The following NR6A1 variants were observed in gnomAD, a reference collection of about 807,000 sequenced individuals.
The protein encoded by NR6A1 is retinoic acid receptor-related testis-associated receptor.
NR6A1 carries 7 observed loss-of-function variants against 59.1 expected under a neutral mutation model. The ratio of observed to expected loss-of-function variants is 0.12; its 90% CI spans 0.07 to 0.22. NR6A1 has a LOEUF of 0.22. NR6A1 is among the 10% of genes least tolerant of loss of function. NR6A1 has a pLI of 1.00. For synonymous variants in NR6A1, 243 were observed against 236.1 expected (o/e 1.03, Z -0.27); for missense variants, 468 against 611.6 (o/e 0.77, Z 2.48).
At chr9:124,560,403 T>TCTC (rs1310384737) in intron 2 of NR6A1, among the ~76,000 whole-genome samples, 2 of 152,156 alleles carry the variant, frequency 1.3e-5, no homozygotes, top group Non-Finnish European at 2.9e-5. Flanking sequence ...ATTTCTTCCA[T>TCTC]CTCCTTCTTG....
At chr9:124,638,344 T>C (rs1194056466) in intron 2 of NR6A1, among the ~76,000 whole-genome samples, 1 of 152,196 alleles carries the variant, frequency 6.6e-6, no homozygotes, top group Non-Finnish European at 1.5e-5. Flanking sequence ...ACTTACTTTT[T>C]CTTAGCAGTC....
intron 7 of NR6A1, among the ~76,000 whole-genome samples, chr9:124,534,689 C>A (rs552207362): frequency 1.9e-4 from 29 of 152,334 alleles, no homozygotes; most frequent in Admixed American, 7.8e-4. Flanking sequence ...TTCAGGCAGG[C>A]AGGCATATGC....
intron 2 of NR6A1, among the ~76,000 whole-genome samples, chr9:124,665,935 T>C (rs943740787): frequency 6.6e-6 from 1 of 152,214 alleles, no homozygotes; most frequent in African/African-American, 2.4e-5. Flanking sequence ...GAAGTTGTTG[T>C]TACCAATGGG....
chr9:124,726,900 C>G (rs1355837684), intron 2 of NR6A1, among the ~76,000 whole-genome samples: 1 of 152,186 alleles, frequency 6.6e-6, no homozygotes, highest in Non-Finnish European at 1.5e-5. Context: ...TCCCAATAAT[C>G]TGTTTTTGGT....
At chr9:124,551,561 G>A (rs1833778113) in intron 3 of NR6A1, among the ~76,000 whole-genome samples, 1 of 152,172 alleles carries the variant, frequency 6.6e-6, no homozygotes, top group African/African-American at 2.4e-5. Context: ...TTGTTTGTAT[G>A]TAATTCTTTT....
At position 124,558,414 on chromosome 9, in the gene NR6A1, G is replaced by A. The variant is rs1833986569; in HGVS notation, c.143-3844C>T. Reference sequence around the variant, plus strand: ...AAAAATGGTCTATGCCATGGATGAGGAACTAATTCAAAAGGGAGTTTCTCA... The same window carrying A: ...AAAAATGGTCTATGCCATGGATGAGAAACTAATTCAAAAGGGAGTTTCTCA... On this transcript the variant is annotated intron_variant, in intron 2 of 9. Coordinates refer to ENST00000487099, the MANE Select transcript of NR6A1 (RefSeq NM_033334.4). Among the ~76,000 whole-genome samples the A allele has an allele frequency of 3.3e-5, 5 of 151,894 alleles. No homozygotes were observed. The South Asian group carries it at 1.0e-3, about 32-fold the overall frequency.
At chr9:124,690,053 ACT>A (rs1391948000) in intron 2 of NR6A1, among the ~76,000 whole-genome samples, 2 of 152,284 alleles carry the variant, frequency 1.3e-5, no homozygotes, top group South Asian at 4.1e-4. Context: ...ATGAATTCAC[ACT>A]GACATGCTGT....
At chr9:124,667,446 A>C (rs892407882) in intron 2 of NR6A1, among the ~76,000 whole-genome samples, 4 of 152,200 alleles carry the variant, frequency 2.6e-5, no homozygotes, top group African/African-American at 9.6e-5. Context: ...ACAGGTGTTA[A>C]GAGCCAAGCA....
At chr9:124,580,824 A>C (rs1834742859) in intron 2 of NR6A1, among the ~76,000 whole-genome samples, 1 of 146,602 alleles carries the variant, frequency 6.8e-6, no homozygotes, top group Non-Finnish European at 1.5e-5. Context: ...CAACTCAAAA[A>C]ATAATAATAA....
intron 1 of NR6A1, among the ~76,000 whole-genome samples, chr9:124,745,019 T>C (rs946388081): frequency 1.3e-5 from 2 of 152,192 alleles, no homozygotes; most frequent in Non-Finnish European, 2.9e-5. Flanking sequence ...TCCCTCTGGA[T>C]CAATCTTAGG....
chr9:124,701,976 C>T (rs1019732713), intron 2 of NR6A1, among the ~76,000 whole-genome samples: 7 of 152,156 alleles, frequency 4.6e-5, no homozygotes, highest in African/African-American at 1.4e-4. Context: ...CCACCCATCT[C>T]GGCCTCCCAA....
chr9:124,586,214 A>G (rs541414473), intron 2 of NR6A1, among the ~76,000 whole-genome samples: 1 of 152,188 alleles, frequency 6.6e-6, no homozygotes, highest in Non-Finnish European at 1.5e-5. Context: ...TAATTTGAAA[A>G]CCTTCTGGAA....
intron 2 of NR6A1, among the ~76,000 whole-genome samples, chr9:124,689,214 T>C (rs1408927775): frequency 6.6e-6 from 1 of 152,186 alleles, no homozygotes; most frequent in African/African-American, 2.4e-5. Flanking sequence ...CTTAAATACC[T>C]TTAAAATAAC....
intron 2 of NR6A1, among the ~76,000 whole-genome samples, chr9:124,654,976 A>G (rs914103350): frequency 6.6e-6 from 1 of 151,348 alleles, no homozygotes; most frequent in African/African-American, 2.4e-5. Flanking sequence ...CATGTATGTT[A>G]GAATTTAACT....
At chr9:124,637,585 T>C (rs1025513576) in intron 2 of NR6A1, among the ~76,000 whole-genome samples, 26 of 152,060 alleles carry the variant, frequency 1.7e-4, no homozygotes, top group African/African-American at 5.8e-4. Context: ...CTCTACACCA[T>C]CTCCCAGAAA....
At chr9:124,699,482 T>C (rs1007439255) in intron 2 of NR6A1, among the ~76,000 whole-genome samples, 1 of 152,194 alleles carries the variant, frequency 6.6e-6, no homozygotes, top group East Asian at 1.9e-4. Context: ...GGGTAAGGCT[T>C]TGGGATTATA....
At chr9:124,704,593 T>G (rs535807825) in intron 2 of NR6A1, among the ~76,000 whole-genome samples, 1 of 152,320 alleles carries the variant, frequency 6.6e-6, no homozygotes, top group South Asian at 2.1e-4. Context: ...TTATCTAGTT[T>G]CTTACAATGG....
chr9:124,556,879 TTC>T (rs1212898619), intron 2 of NR6A1, among the ~76,000 whole-genome samples: 1 of 151,240 alleles, frequency 6.6e-6, no homozygotes, highest in East Asian at 1.9e-4. Flanking sequence ...TTTTTTTTTT[TTC>T]GCAAACAGGG....
chr9:124,610,215 G>A (rs1187537934), intron 2 of NR6A1, among the ~76,000 whole-genome samples: 1 of 152,112 alleles, frequency 6.6e-6, no homozygotes, highest in Non-Finnish European at 1.5e-5. Flanking sequence ...TGCCCATTCA[G>A]TATATGATAT....
Sources: gnomAD v4.1 joint callset for allele counts (sites outside exome capture counted in the v4.1 genomes callset) on GRCh38, gnomAD v4.1.1 for gene constraint, MANE v1.5 for transcripts, NCBI Gene and HGNC (gene_info 2026-07-23, HGNC 2026-07-21) for gene names.